Variants in SGCD observed in about 807,000 individuals in gnomAD.
SGCD encodes the protein delta-sarcoglycan.
SGCD carries 18 observed loss-of-function variants against 36.6 expected under a neutral mutation model. The ratio of observed to expected loss-of-function variants is 0.49; its 90% CI spans 0.34 to 0.73. The LOEUF is 0.73. Among genes scored for constraint, SGCD ranks in the 30% least tolerant of loss-of-function variants. The pLI is 0.01. For missense variants in SGCD, 387 were observed against 346.7 expected (o/e 1.12, Z -0.92); for synonymous variants, 133 against 130.6 (o/e 1.02, Z -0.12).
At chr5:156,700,961 AG>A (rs1430121915) in intron 7 of SGCD, among the ~76,000 whole-genome samples, 3 of 108,198 alleles carry the variant, frequency 2.8e-5, no homozygotes, top group African/African-American at 9.3e-5. Flanking sequence ...AAAAAAAAAG[AG>A]AGAGAGAGAA....
intron 7 of SGCD, among the ~76,000 whole-genome samples, chr5:156,689,258 A>T (rs187194822): frequency 5.3e-5 from 8 of 152,318 alleles, no homozygotes; most frequent in Admixed American, 5.2e-4. Context: ...ATCCAAAATT[A>T]ATCCAAGTAT....
intron 3 of SGCD, among the ~76,000 whole-genome samples, chr5:156,219,254 A>C (rs181134846): frequency 8.1e-4 from 124 of 152,326 alleles, no homozygotes; most frequent in African/African-American, 2.7e-3. Flanking sequence ...TCCTATATTA[A>C]GTATCATATA....
At chr5:156,433,050 T>C (rs1184367595) in intron 3 of SGCD, among the ~76,000 whole-genome samples, 10 of 152,164 alleles carry the variant, frequency 6.6e-5, no homozygotes, top group Admixed American at 6.5e-4. Flanking sequence ...CAGAATTCAG[T>C]TGGGGGTGTC....
intron 3 of SGCD, among the ~76,000 whole-genome samples, chr5:156,164,659 T>G (rs1458232530): frequency 6.6e-6 from 1 of 152,248 alleles, no homozygotes; most frequent in Non-Finnish European, 1.5e-5. Flanking sequence ...GAAGTGAGTA[T>G]CGAACCCAAA....
At chr5:156,072,158 T>G (rs1760592925) in intron 1 of SGCD, among the ~76,000 whole-genome samples, 1 of 149,566 alleles carries the variant, frequency 6.7e-6, no homozygotes. Flanking sequence ...TATGTGTGAA[T>G]TTGATCCTGT....
chr5:155,910,676 A>C (rs1756611764), intron 1 of SGCD, among the ~76,000 whole-genome samples: 1 of 152,264 alleles, frequency 6.6e-6, no homozygotes, highest in South Asian at 2.1e-4. Flanking sequence ...TCCTGATAGA[A>C]TTATTTTTCC....
intron 4 of SGCD, among the ~76,000 whole-genome samples, chr5:156,527,201 C>T (rs1188350642): frequency 6.6e-6 from 1 of 152,044 alleles, no homozygotes; most frequent in Non-Finnish European, 1.5e-5. Context: ...TGTACAAACA[C>T]ATTTCCACAA....
chr5:156,311,639 G>C (rs1390410320), intron 3 of SGCD, among the ~76,000 whole-genome samples: 1 of 152,106 alleles, frequency 6.6e-6, no homozygotes, highest in South Asian at 2.1e-4. Flanking sequence ...GGTTAGGGCA[G>C]GGCTCTGTGC....
chr5:155,995,025 A>G (rs1329201550), intron 1 of SGCD, among the ~76,000 whole-genome samples: 1 of 152,102 alleles, frequency 6.6e-6, no homozygotes, highest in Non-Finnish European at 1.5e-5. Context: ...CCTCTAAACC[A>G]CAGCTTCTGG....
At chr5:156,154,064 G>A (rs1427264228) in intron 3 of SGCD, among the ~76,000 whole-genome samples, 1 of 151,458 alleles carries the variant, frequency 6.6e-6, no homozygotes, top group Non-Finnish European at 1.5e-5. Context: ...TGCCCCTAAG[G>A]GAGATTCTGT....
At chr5:155,926,101 G>T (rs923324654) in intron 1 of SGCD, among the ~76,000 whole-genome samples, 1 of 152,084 alleles carries the variant, frequency 6.6e-6, no homozygotes, top group Non-Finnish European at 1.5e-5. Context: ...CAGTCATTGG[G>T]CTGTGGCTTA....
At chr5:155,797,982 G>T in the SGCD span, among the ~76,000 whole-genome samples, 2 of 152,068 alleles carry the variant, frequency 1.3e-5, no homozygotes, top group Non-Finnish European at 2.9e-5. Context: ...GTGCTATTTC[G>T]CAAACTCTTC....
chr5:156,262,571 G>A (rs1392016078), intron 3 of SGCD, among the ~76,000 whole-genome samples: 3 of 152,048 alleles, frequency 2.0e-5, no homozygotes, highest in South Asian at 4.2e-4. Flanking sequence ...TTGGGGAACA[G>A]GTGGTGTTTG....
chr5:156,293,223 A>G (rs1766807732), intron 3 of SGCD, among the ~76,000 whole-genome samples: 1 of 152,122 alleles, frequency 6.6e-6, no homozygotes. Flanking sequence ...TAGAGGGTGT[A>G]TAATAACATA....
intron 7 of SGCD, among the ~76,000 whole-genome samples, chr5:156,679,438 A>G (rs1215748735): frequency 1.3e-5 from 2 of 152,216 alleles, no homozygotes; most frequent in Non-Finnish European, 2.9e-5. Flanking sequence ...CAGATCTGCC[A>G]TACCTAGAAT....
chr5:156,499,864 A>G (rs1756371645), intron 3 of SGCD, among the ~76,000 whole-genome samples: 1 of 152,156 alleles, frequency 6.6e-6, no homozygotes, highest in Admixed American at 6.5e-5. Context: ...GGTAGAAGTG[A>G]CCATTTATAA....
the SGCD span, among the ~76,000 whole-genome samples, chr5:155,803,919 C>T: frequency 3.3e-5 from 5 of 152,102 alleles, no homozygotes; most frequent in Non-Finnish European, 7.3e-5. Flanking sequence ...TATTGAAATG[C>T]CAATAGTGAC....
At chr5:156,085,921 T>C (rs1180028079) in intron 1 of SGCD, among the ~76,000 whole-genome samples, 1 of 152,232 alleles carries the variant, frequency 6.6e-6, no homozygotes, top group Non-Finnish European at 1.5e-5. Flanking sequence ...TGGTAAAACA[T>C]TAAATTATTT....
chr5:156,569,903 T>C (rs927674936), intron 4 of SGCD, among the ~76,000 whole-genome samples: 1 of 152,022 alleles, frequency 6.6e-6, no homozygotes, highest in Admixed American at 6.5e-5. Context: ...AAGAAAAATA[T>C]TGAGGAGGTA....
Sources: allele counts gnomAD v4.1 joint callset (sites outside exome capture counted in the v4.1 genomes callset), GRCh38; gene constraint gnomAD v4.1.1; transcripts MANE v1.5; gene names NCBI Gene and HGNC (gene_info 2026-07-23, HGNC 2026-07-21).